ITGAL: variants seen among roughly 807,000 people sequenced by gnomAD.
ITGAL encodes integrin alpha-L.
Under a neutral mutation model 138.4 loss-of-function variants are expected in ITGAL, and 68 were observed. The observed-to-expected ratio is 0.49, with a 90% CI of 0.40 to 0.60. The LOEUF is 0.60. Ranked by LOEUF, ITGAL falls within the 20% of genes least tolerant of loss-of-function variation. The pLI is 0.00. For synonymous variants in ITGAL, 561 were observed against 584.3 expected (o/e 0.96, Z 0.57); for missense variants, 1,256 against 1,478.6 (o/e 0.85, Z 2.47).
chr16:30,502,352 G>A (rs1182739614), intron 17 of ITGAL, among the ~76,000 whole-genome samples: 1 of 139,406 alleles, frequency 7.2e-6, no homozygotes, highest in African/African-American at 2.6e-5. Flanking sequence ...AGCCGAGATC[G>A]CGCCCCTGCA....
chr16:30,505,548 C>A, intron 20 of ITGAL, 86 bp downstream of exon 20: 1 of 986,100 alleles, frequency 1.0e-6, no homozygotes, highest in South Asian at 1.3e-5. Context: ...CATTTGCAGA[C>A]ACCACTTCCC....
intron 9 of ITGAL, chr16:30,488,789 G>A: frequency 2.4e-6 from 1 of 416,926 alleles, no homozygotes; most frequent in Non-Finnish European, 4.5e-6. Flanking sequence ...AGCCCGGAGG[G>A]TTGCTTGAGC....
chr16:30,515,006 G>T lies in ITGAL; in HGVS notation c.2862+1160G>T, dbSNP rs976745624. Among the ~76,000 whole-genome samples the T allele has an allele frequency of 5.9e-5, 9 of 151,544 alleles. No individual in the cohort carries two copies. The South Asian group carries it at 1.7e-3, about 28-fold the overall frequency. Reference sequence around the variant, plus strand: ...CGCCAGGCTAATGTTTGTATTTTTAGTAGAGAGAGGGTTTCATCATGTTGG... The same window carrying T: ...CGCCAGGCTAATGTTTGTATTTTTATTAGAGAGAGGGTTTCATCATGTTGG... On this transcript the variant is annotated intron_variant, in intron 25 of 30. Coordinates refer to ENST00000356798, the MANE Select transcript of ITGAL (RefSeq NM_002209.3).
intron 17 of ITGAL, among the ~76,000 whole-genome samples, chr16:30,501,778 G>A (rs2050902905): frequency 6.6e-6 from 1 of 151,988 alleles, no homozygotes; most frequent in South Asian, 2.1e-4. Context: ...GGTGGCTCAT[G>A]CCAGCACTTT....
In ITGAL at chr16:30,511,128, C is replaced by T. The variant is rs1180269987; in HGVS notation, c.2778C>T (p.Leu926=). The change falls in exon 24 of 31, where the codon CTC becomes CTT. Residue 926 remains leucine (L), a synonymous_variant. Coordinates refer to ENST00000356798, the MANE Select transcript of ITGAL (RefSeq NM_002209.3). ...CCATCCTGTACCCCATCAACATCCTCATCCAGGAGTAAGTTCTTCCCAGCA... is the reference window on the plus strand; with the variant it reads ...CCATCCTGTACCCCATCAACATCCTTATCCAGGAGTAAGTTCTTCCCAGCA... ...IIPILYPINI[L]IQDQEDSTLY... is the part of the protein sequence containing the mutation. The T allele has an allele frequency of 3.1e-6, 5 of 1,612,298 alleles. No homozygotes were observed. The highest frequency in any genetic ancestry group is 1.7e-5 in the Admixed American group (1 of 59,988).
chr16:30,481,566 G>T lies in ITGAL; in HGVS notation c.704G>T (p.Gly235Val), dbSNP rs1440081506. Reference sequence around the variant, plus strand: ...ATGTTGCTGTTGACCAATACCTTTGGTGCCATCAATTATGTCGCGTGAGTT... The same window carrying T: ...ATGTTGCTGTTGACCAATACCTTTGTTGCCATCAATTATGTCGCGTGAGTT... Reference protein sequence around the residue: ...KHMLLLTNTFGAINYVATEVF... With the variant: ...KHMLLLTNTFVAINYVATEVF... The change falls in exon 7 of 31, where the codon GGT (glycine) becomes GTT (valine). Residue 235 changes from glycine (G) to valine (V), a missense_variant. By Grantham distance (109) the Gly-to-Val change is moderately radical. Around this residue, in one of 3 missense-constraint regions of ITGAL, gnomAD observed 177 missense variants for 288.8 expected, o/e 0.61. Transcript: ENST00000356798. 5 of 1,613,672 alleles carry T rather than the reference G, an allele frequency of 3.1e-6. No homozygotes were observed. The Admixed American group carries it at 5.0e-5, about 16-fold the overall frequency.
intron 11 of ITGAL, 127 bp downstream of exon 11, chr16:30,489,513 G>A (rs2151152114): frequency 1.2e-6 from 1 of 817,260 alleles, no homozygotes; most frequent in Middle Eastern, 2.9e-4. Context: ...GTTTAAATAT[G>A]GCTATAACAT....
At chr16:30,474,846 C>CTTT (rs1205873810) in intron 2 of ITGAL, among the ~76,000 whole-genome samples, 9 of 125,234 alleles carry the variant, frequency 7.2e-5, no homozygotes, top group African/African-American at 1.2e-4. Context: ...GAGGCATCTT[C>CTTT]TTTTTTTTTT....
intron 18 of ITGAL, 89 bp from the exon 19 acceptor site, chr16:30,505,155 A>G (rs2050967644): frequency 7.7e-7 from 1 of 1,301,504 alleles, no homozygotes. Flanking sequence ...CAGTTGAGCT[A>G]AGCCCCTGCC....
Position 30,496,093 on chromosome 16 carries a change from C to T in ITGAL, c.1504-4C>T. On this transcript the variant is annotated splice_region_variant and splice_polypyrimidine_tract_variant and intron_variant, in intron 13 of 30. Transcript: ENST00000356798. Reference sequence around the variant, plus strand: ...GGTGTGACCTGTCTCTTGCTACTTCCTAGTTGGGGTTTGAAGAAGTCTCAG... The same window carrying T: ...GGTGTGACCTGTCTCTTGCTACTTCTTAGTTGGGGTTTGAAGAAGTCTCAG... The T allele has an allele frequency of 6.2e-7, 1 of 1,613,166 alleles. No homozygotes were observed. Among genetic ancestry groups the T allele is most frequent in the Non-Finnish European group, 8.5e-7 (1 of 1,179,518 alleles).
At chr16:30,489,421 T>C in intron 11 of ITGAL, 35 bp downstream of exon 11, 1 of 1,609,322 alleles carries the variant, frequency 6.2e-7, no homozygotes, top group Non-Finnish European at 8.5e-7. Flanking sequence ...GATCTTCTGG[T>C]TGTTGAGGTC....
chr16:30,474,103 C>A (rs1280089635), intron 1 of ITGAL, 93 bp from the exon 2 acceptor site: 2 of 920,024 alleles, frequency 2.2e-6, no homozygotes, highest in South Asian at 1.4e-5. Flanking sequence ...GCCTGGGGAG[C>A]GACATCCGGG....
intron 17 of ITGAL, among the ~76,000 whole-genome samples, chr16:30,499,733 A>ATATATATATATATATATAT: frequency 1.1e-5 from 1 of 88,388 alleles, no homozygotes; most frequent in Non-Finnish European, 1.9e-5. Flanking sequence ...ATATATATAT[A>ATATATATATATATATATAT]TTTTTTTTTT....
intron 13 of ITGAL, among the ~76,000 whole-genome samples, chr16:30,495,629 A>G (rs1362614870): frequency 1.3e-5 from 2 of 152,150 alleles, no homozygotes; most frequent in African/African-American, 4.8e-5. Flanking sequence ...CAGGAGTTCA[A>G]GACCAGCCTG....
At chr16:30,514,732 G>C (rs2051141211) in intron 25 of ITGAL, among the ~76,000 whole-genome samples, 1 of 152,002 alleles carries the variant, frequency 6.6e-6, no homozygotes, top group Non-Finnish European at 1.5e-5. Flanking sequence ...CCTATTCTAA[G>C]TTAGGTATTT....
chr16:30,481,900 T>C (rs1366359527), intron 7 of ITGAL, among the ~76,000 whole-genome samples: 4 of 152,116 alleles, frequency 2.6e-5, no homozygotes, highest in Non-Finnish European at 4.4e-5. Context: ...GTTTTTGTTT[T>C]TGTTTTTTGA....
chr16:30,498,051 G>A (rs1184887884), intron 15 of ITGAL, among the ~76,000 whole-genome samples: 1 of 151,792 alleles, frequency 6.6e-6, no homozygotes, highest in Non-Finnish European at 1.5e-5. Flanking sequence ...CGTGGTTGTG[G>A]GGGCCCCTCT....
Position 30,483,858 on chromosome 16 carries a change from C to T in ITGAL, c.754C>T (p.Arg252Trp), listed in dbSNP as rs1317957871. Residue 252 changes from arginine (R) to tryptophan (W), a missense_variant, in exon 8 of 31, where the codon CGG becomes TGG. Coordinates refer to ENST00000356798, the MANE Select transcript of ITGAL (RefSeq NM_002209.3). ...GGTGTTCCGGGAGGAGCTGGGGGCC[C>T]GGCCAGATGCCACCAAAGTGCTTAT... ...TEVFREELGA[R>W]PDATKVLIII... 7 of 1,613,892 alleles carry T rather than the reference C, an allele frequency of 4.3e-6. No individual in the cohort carries two copies. The highest frequency in any genetic ancestry group is 2.2e-5 in the East Asian group (1 of 44,886).
intron 13 of ITGAL, among the ~76,000 whole-genome samples, chr16:30,495,879 A>G (rs938771867): frequency 4.6e-5 from 7 of 152,078 alleles, no homozygotes; most frequent in Non-Finnish European, 8.8e-5. Flanking sequence ...ATGTATATAT[A>G]TATAAATGGA....
Sources: allele counts gnomAD v4.1 joint callset (sites outside exome capture counted in the v4.1 genomes callset), GRCh38; gene constraint gnomAD v4.1.1; regional missense constraint gnomAD v4.1.1; transcripts MANE v1.5; gene names NCBI Gene and HGNC (gene_info 2026-07-23, HGNC 2026-07-21).